Variants in EPC1 observed in about 807,000 individuals in gnomAD.
EPC1 encodes the protein enhancer of polycomb 1.
In EPC1, 12 loss-of-function variants were observed where a neutral mutation model predicts 98.4. That is an observed-to-expected ratio of 0.12 (90% CI 0.08 to 0.20). The LOEUF (loss-of-function observed/expected upper bound fraction) is 0.20. Ranked by LOEUF, EPC1 falls within the 10% of genes least tolerant of loss-of-function variation. The probability of loss-of-function intolerance (pLI) is 1.00; values close to 1 mark genes in which losing one functional copy is unlikely to be tolerated. For missense variants in EPC1, 729 were observed against 990.5 expected (o/e 0.74, Z 3.54); for synonymous variants, 357 against 363.9 (o/e 0.98, Z 0.21).
intron 1 of EPC1, among the ~76,000 whole-genome samples, chr10:32,333,038 T>C (rs948885280): frequency 3.9e-5 from 6 of 152,058 alleles, no homozygotes; most frequent in African/African-American, 1.4e-4. Flanking sequence ...TGACCTTTGG[T>C]CATATAAAAA....
chr10:32,273,251 T>G lies in EPC1; in HGVS notation c.1775A>C (p.Gln592Pro). ...AFTAEQYQQHQQQLALMQKQQ... is the reference protein window; with the variant it reads ...AFTAEQYQQHPQQLALMQKQQ... Reference sequence around the variant, plus strand: ...TTTCTGCATGAGTGCCAGTTGCTGTTGATGTTGCTGGTATTGTTCGGCTGT... The same window carrying G: ...TTTCTGCATGAGTGCCAGTTGCTGTGGATGTTGCTGGTATTGTTCGGCTGT... The change falls in exon 11 of 14, where the codon CAA becomes CCA. Residue 592 changes from glutamine to proline, a missense_variant. Physicochemically the swap from Gln to Pro is moderately conservative, Grantham distance 76. Coordinates refer to ENST00000319778, the MANE Select transcript of EPC1 (RefSeq NM_001272004.3). 2 of 1,614,046 alleles carry G rather than the reference T, an allele frequency of 1.2e-6. No homozygotes were observed. Among genetic ancestry groups the G allele is most frequent in the Non-Finnish European group, 1.7e-6 (2 of 1,179,890 alleles).
intron 10 of EPC1, chr10:32,282,249 G>C (rs1286289444): frequency 6.6e-6 from 1 of 152,170 alleles, no homozygotes; most frequent in Non-Finnish European, 1.5e-5. Flanking sequence ...GTAGTATTGA[G>C]GCTGGGTGCA....
chr10:32,292,405 A>T, intron 5 of EPC1, 91 bp downstream of exon 5: 1 of 911,880 alleles, frequency 1.1e-6, no homozygotes, highest in Non-Finnish European at 1.6e-6. Context: ...ATATTTCTGT[A>T]ATTAGATTAT....
In EPC1 at chr10:32,372,595, C is replaced by T. The variant is rs1033579098; in HGVS notation, c.3+5896G>A. 2.0e-5 allele frequency among the ~76,000 whole-genome samples: 3 copies of T among 152,102 alleles called. No homozygotes were observed. The South Asian group carries it at 6.2e-4, about 31-fold the overall frequency. On this transcript the variant is annotated intron_variant, in intron 1 of 13. Transcript: ENST00000375110. ...AGTACAAATGTATCAGAAGCAAATT[C>T]GACATACAAAATTTCATCTGTATAT...
chr10:32,293,504 C>T, intron 3 of EPC1, 88 bp downstream of exon 3: 1 of 1,267,412 alleles, frequency 7.9e-7, no homozygotes. Context: ...ACTGATTACC[C>T]CCAACCTGCA....
intron 10 of EPC1, among the ~76,000 whole-genome samples, chr10:32,281,096 G>A (rs1002360339): frequency 2.0e-5 from 3 of 152,020 alleles, no homozygotes; most frequent in South Asian, 4.2e-4. Flanking sequence ...GTGCAGTGGC[G>A]TGATGTTGGC....
intron 1 of EPC1, among the ~76,000 whole-genome samples, chr10:32,342,642 A>G (rs780633757): frequency 3.5e-4 from 54 of 152,238 alleles, no homozygotes; most frequent in Admixed American, 1.2e-3. Flanking sequence ...GGTAGTATCA[A>G]TATGAAAACA....
intron 1 of EPC1, among the ~76,000 whole-genome samples, chr10:32,307,965 T>C (rs1835971029): frequency 6.6e-6 from 1 of 152,236 alleles, no homozygotes; most frequent in Admixed American, 6.5e-5. Flanking sequence ...TTTTGGACTG[T>C]TGCAAATCTG....
chr10:32,304,930 A>AAAAAG (rs1227424769), intron 2 of EPC1, among the ~76,000 whole-genome samples: 1 of 151,618 alleles, frequency 6.6e-6, no homozygotes, highest in African/African-American at 2.4e-5. Flanking sequence ...AAAAAAAAAA[A>AAAAAG]AAAAAAGAAA....
In EPC1 at chr10:32,274,958, G is replaced by C. The variant is rs1257752368; in HGVS notation, c.1745-1677C>G. On this transcript the variant is annotated intron_variant, in intron 10 of 13. Coordinates refer to ENST00000319778, the MANE Select transcript of EPC1 (RefSeq NM_001272004.3). ...ACTAGATACTTTTGCCAATATATTT[G>C]TGAGATTTACAGTTTAATTTCCTAA... 2.0e-5 allele frequency among the ~76,000 whole-genome samples: 3 copies of C among 152,086 alleles called. No homozygotes were observed. In the East Asian group the frequency reaches 5.8e-4, roughly 29 times the overall value.
upstream of EPC1, among the ~76,000 whole-genome samples, chr10:32,348,264 CGTTGTT>C (rs80168842): frequency 6.6e-6 from 1 of 151,096 alleles, no homozygotes; most frequent in Admixed American, 6.6e-5. Context: ...GAGATCTCTT[CGTTGTT>C]GTTGTTGTTA....
intron 6 of EPC1, among the ~76,000 whole-genome samples, chr10:32,287,703 G>A (rs1033586884): frequency 6.6e-6 from 1 of 151,940 alleles, no homozygotes; most frequent in Non-Finnish European, 1.5e-5. Context: ...AAATGTCTTC[G>A]TATACACAGA....
chr10:32,365,819 C>CAAAAAAAA (rs55769539), intron 1 of EPC1, among the ~76,000 whole-genome samples: 1 of 38,428 alleles, frequency 2.6e-5, no homozygotes, highest in African/African-American at 1.4e-4. Flanking sequence ...CTCCGTCTCA[C>CAAAAAAAA]AAAAAAAAAA....
rs1592528552 is a variant in EPC1, at chr10:32,271,561, C to G, written c.2362G>C (p.Val788Leu). Reference protein sequence around the residue: ...KVPSSSSVDSVPRENHESEKP... With the variant: ...KVPSSSSVDSLPRENHESEKP... ...GCAAAAATAACTACTCACCTTGGAACTGAATCTACAGAGGATGAAGATGGG... is the reference window on the plus strand; with the variant it reads ...GCAAAAATAACTACTCACCTTGGAAGTGAATCTACAGAGGATGAAGATGGG... The change falls in exon 13 of 14, where the codon GTT becomes CTT. Residue 788 changes from valine (V) to leucine (L), a missense_variant. Val to Leu is a conservative substitution (Grantham distance 32, BLOSUM62 1). Coordinates refer to ENST00000319778, the MANE Select transcript of EPC1 (RefSeq NM_001272004.3). The G allele has an allele frequency of 6.2e-7, 1 of 1,613,186 alleles. No individual in the cohort carries two copies. Among genetic ancestry groups the G allele is most frequent in the East Asian group, 2.2e-5 (1 of 44,854 alleles).
At chr10:32,378,420 C>T in intron 1 of EPC1, 1 of 1,256,832 alleles carries the variant, frequency 8.0e-7, no homozygotes, top group Non-Finnish European at 1.1e-6. Flanking sequence ...TTAGAAGAAA[C>T]ACAATGAAAA....
chr10:32,329,983 T>C (rs1837543377), intron 1 of EPC1, among the ~76,000 whole-genome samples: 1 of 152,190 alleles, frequency 6.6e-6, no homozygotes, highest in Admixed American at 6.5e-5. Context: ...TTTCAGTGCA[T>C]GAGAATAAAT....
At chr10:32,291,464 G>A (rs1397796647) in intron 5 of EPC1, 142 bp from the exon 6 acceptor site, 4 of 638,072 alleles carry the variant, frequency 6.3e-6, no homozygotes, top group Admixed American at 3.0e-5. Context: ...TACCTTGTGT[G>A]TATATGTGGT....
chr10:32,274,681 T>C (rs1480615758), intron 10 of EPC1, among the ~76,000 whole-genome samples: 2 of 152,176 alleles, frequency 1.3e-5, no homozygotes, highest in East Asian at 1.9e-4. Context: ...TGAGCTCCTT[T>C]TCCTACTATG....
chr10:32,326,454 C>G (rs1355551383), intron 1 of EPC1, among the ~76,000 whole-genome samples: 1 of 151,916 alleles, frequency 6.6e-6, no homozygotes, highest in African/African-American at 2.4e-5. Flanking sequence ...CAAAATGTGA[C>G]AAGAATAAGA....
Sources: gnomAD v4.1 joint callset for allele counts (sites outside exome capture counted in the v4.1 genomes callset) on GRCh38, gnomAD v4.1.1 for gene constraint, MANE v1.5 for transcripts, NCBI Gene and HGNC (gene_info 2026-07-23, HGNC 2026-07-21) for gene names.